CROCC: variants seen among roughly 807,000 people sequenced by gnomAD.
The protein encoded by CROCC is rootletin.
In CROCC, 180 loss-of-function variants were observed where a neutral mutation model predicts 245.2. The observed-to-expected ratio is 0.73, with a 90% CI of 0.65 to 0.83. The LOEUF (loss-of-function observed/expected upper bound fraction) is 0.83. CROCC is among the 40% of genes least tolerant of loss of function. CROCC has a pLI of 0.00. For missense variants in CROCC, 2,688 were observed against 2,779.4 expected (o/e 0.97, Z 0.74); for synonymous variants, 1,205 against 1,241.6 (o/e 0.97, Z 0.62).
chr1:16,969,090 G>C (rs750690657), intron 31 of CROCC, 26 bp from the exon 32 acceptor site: 323 of 1,574,730 alleles, frequency 2.1e-4, no homozygotes, highest in Non-Finnish European at 2.7e-4. Flanking sequence ...GAACAGCCCC[G>C]ATTGTTCTGG....
chr1:16,965,338 G>A (rs1054949044), intron 27 of CROCC, among the ~76,000 whole-genome samples: 11 of 152,198 alleles, frequency 7.2e-5, no homozygotes, highest in Middle Eastern at 3.2e-3. Flanking sequence ...GCTCCTGGTC[G>A]GGGTGGGGGT....
chr1:16,920,253 A>C (rs2075375853), upstream of CROCC, among the ~76,000 whole-genome samples: 1 of 152,130 alleles, frequency 6.6e-6, no homozygotes, highest in Non-Finnish European at 1.5e-5. Context: ...TAATTTTTGT[A>C]TTTTTAATAG....
intron 8 of CROCC, among the ~76,000 whole-genome samples, chr1:16,935,037 TTACA>T (rs2075758754): frequency 6.6e-6 from 1 of 152,180 alleles, no homozygotes; most frequent in African/African-American, 2.4e-5. Context: ...GTAGCTGGGA[TTACA>T]GGCATGAGCC....
At chr1:16,914,227 A>G (rs1338967731) in intron 1 of CROCC, among the ~76,000 whole-genome samples, 3 of 152,028 alleles carry the variant, frequency 2.0e-5, no homozygotes, top group East Asian at 1.9e-4. Context: ...GGCTGGAGCC[A>G]CGTACCGGGG....
At chr1:16,921,543 C>G (rs1425800227), upstream of CROCC, among the ~76,000 whole-genome samples, 1 of 152,280 alleles carries the variant, frequency 6.6e-6, no homozygotes, top group Non-Finnish European at 1.5e-5. Flanking sequence ...TCTTAGCTAA[C>G]CATGTGACTC....
rs111727272 is a variant in CROCC, at chr1:16,963,998, ATGTT to A, written c.4406-1724_4406-1721del. On this transcript the variant is annotated intron_variant, in intron 27 of 36. Transcript: ENST00000375541. ...TTTTAGTAGAGATGGGGGTTTCACCATGTTGGCCAGGCTGGTCTTGAACTCCTGA... is the reference window on the plus strand; with the variant it reads ...TTTTAGTAGAGATGGGGGTTTCACCAGGCCAGGCTGGTCTTGAACTCCTGA... Among the ~76,000 whole-genome samples, 476 of 151,840 alleles carry A rather than the reference ATGTT, an allele frequency of 3.1e-3. 2 individuals are homozygous for A. Among genetic ancestry groups the A allele is most frequent in the African/African-American group, 0.011 (443 of 41,428 alleles).
intron 8 of CROCC, among the ~76,000 whole-genome samples, chr1:16,934,775 A>G (rs2075750871): frequency 6.6e-6 from 1 of 151,044 alleles, no homozygotes; most frequent in Admixed American, 6.6e-5. Context: ...GGCAAGCAGC[A>G]TTATCAGCTT....
At chr1:16,927,422 G>A (rs2075559781) in intron 3 of CROCC, among the ~76,000 whole-genome samples, 1 of 152,208 alleles carries the variant, frequency 6.6e-6, no homozygotes, top group African/African-American at 2.4e-5. Flanking sequence ...CACATACCAG[G>A]GAGCCCAGGC....
In CROCC at chr1:16,946,787, G is replaced by A. The variant is rs1284703636; in HGVS notation, c.2310G>A (p.Gln770=). 3 of 1,551,914 alleles carry A rather than the reference G, an allele frequency of 1.9e-6. No individual in the cohort carries two copies. The highest frequency in any genetic ancestry group is 1.2e-5 in the South Asian group (1 of 84,102). ...AQLEEEKSAL[Q]GRQRQAEQEA... ...TGGAGGAAGAAAAGTCCGCCCTGCA[G>A]GGCCGGCAACGGCAGGCAGAGCAGG... The change falls in exon 17 of 37, where the codon CAG becomes CAA. Residue 770 remains glutamine, a synonymous_variant. Coordinates refer to ENST00000375541, the MANE Select transcript of CROCC (RefSeq NM_014675.5).
chr1:16,936,500 C>T, intron 8 of CROCC, 137 bp from the exon 9 acceptor site: 1 of 842,984 alleles, frequency 1.2e-6, no homozygotes, highest in Non-Finnish European at 1.8e-6. Context: ...AACTCCTGAC[C>T]TCACGTGATC....
At chr1:16,969,642 G>C in intron 32 of CROCC, 143 bp from the exon 33 acceptor site, 1 of 1,202,992 alleles carries the variant, frequency 8.3e-7, no homozygotes, top group South Asian at 1.5e-5. Flanking sequence ...TGGATAGGCC[G>C]TGGATGGGTT....
At position 16,958,944 on chromosome 1, in the gene CROCC, G is replaced by A. The variant is rs550106235; in HGVS notation, c.4032+194G>A. Among the ~76,000 whole-genome samples, 13 of 152,326 alleles carry A rather than the reference G, an allele frequency of 8.5e-5. No homozygotes were observed. In the South Asian group the frequency reaches 2.7e-3, roughly 32 times the overall value. ...GGCCTACTGTGTGCCGGCACAAAAT[G>A]GGTAGGGAGAGGCCCTGTAGATACA... is the stretch of plus-strand genomic sequence containing the variant. On this transcript the variant is annotated intron_variant, in intron 26 of 36. Transcript: ENST00000375541.
Position 16,948,383 on chromosome 1 carries a change from A to G in CROCC, c.2567A>G (p.Glu856Gly), listed in dbSNP as rs1435724003. 2 of 1,578,408 alleles carry G rather than the reference A, an allele frequency of 1.3e-6. No homozygotes were observed. Among genetic ancestry groups the G allele is most frequent in the East Asian group, 4.5e-5 (2 of 44,112 alleles). Reference sequence around the variant, plus strand: ...CAGGAGCTGGAGCAGGCCCGGCGGGAGGCCCAGCGGCAAGTGGAGGCGCTG... The same window carrying G: ...CAGGAGCTGGAGCAGGCCCGGCGGGGGGCCCAGCGGCAAGTGGAGGCGCTG... Reference protein sequence around the residue: ...REQELEQARREAQRQVEALER... With the variant: ...REQELEQARRGAQRQVEALER... Residue 856 changes from glutamate to glycine, a missense_variant, in exon 18 of 37, where the codon GAG becomes GGG. Glu to Gly is a moderately conservative substitution (Grantham distance 98). Coordinates refer to ENST00000375541, the MANE Select transcript of CROCC (RefSeq NM_014675.5).
At position 16,930,210 on chromosome 1, in the gene CROCC, G is replaced by C; in HGVS notation, c.621+3G>C. On this transcript the variant is annotated splice_donor_region_variant and intron_variant, in intron 5 of 36. Transcript: ENST00000375541. ...AGCTGGAGCAGCAGCGGCTGAGGGT[G>C]GGTGCCAGTGTGGGGCAGGGGCAGG... 4 of 1,588,824 alleles carry C rather than the reference G, an allele frequency of 2.5e-6. No homozygotes were observed. The highest frequency in any genetic ancestry group is 3.4e-6 in the Non-Finnish European group (4 of 1,168,322).
chr1:16,960,637 A>G (rs1258112120), intron 26 of CROCC, 121 bp from the exon 27 acceptor site: 2 of 1,238,128 alleles, frequency 1.6e-6, no homozygotes, highest in African/African-American at 1.6e-5. Context: ...GGCGAGCACT[A>G]AAGGAGAAAG....
upstream of CROCC, among the ~76,000 whole-genome samples, chr1:16,921,345 G>A (rs1202393956): frequency 3.3e-5 from 5 of 152,276 alleles, no homozygotes; most frequent in Non-Finnish European, 5.9e-5. Context: ...GTAGTTCGAG[G>A]CTCTACCACT....
chr1:16,914,127 GGCGCGC>G, intron 1 of CROCC, among the ~76,000 whole-genome samples: 1 of 151,192 alleles, frequency 6.6e-6, no homozygotes, highest in Non-Finnish European at 1.5e-5. Flanking sequence ...CTGCGGCGAA[GGCGCGC>G]GAAGGTAGGT....
chr1:16,924,927 G>T (rs1286973372), intron 3 of CROCC, among the ~76,000 whole-genome samples: 2 of 152,278 alleles, frequency 1.3e-5, no homozygotes, highest in African/African-American at 4.8e-5. Flanking sequence ...CCCATCTGGG[G>T]CAGCCACAAG....
chr1:16,966,296 T>G lies in CROCC; in HGVS notation c.4697-112T>G, dbSNP rs887499606. 1.3e-5 allele frequency: 18 copies of G among 1,432,570 alleles called. No individual in the cohort carries two copies. The African/African-American group carries it at 1.3e-4, about 10-fold the overall frequency. 88.7% of individuals were successfully genotyped at this position (1,432,570 alleles called of 1,614,324 possible). ...GTGCAGGCCCGCATACTACGAAGGGTGCAGACAGTCTGGCCCTGCACTGGG... is the reference window on the plus strand; with the variant it reads ...GTGCAGGCCCGCATACTACGAAGGGGGCAGACAGTCTGGCCCTGCACTGGG... On this transcript the variant is annotated intron_variant, in intron 29 of 36. Transcript: ENST00000375541. This position sits in a 1 kb window ranked among gnomAD's most constrained non-coding sequence, Gnocchi z 4.8.
Sources: gnomAD v4.1 joint callset for allele counts (sites outside exome capture counted in the v4.1 genomes callset) on GRCh38, gnomAD v4.1.1 for gene constraint, Gnocchi (gnomAD v3.1) non-coding constraint, MANE v1.5 for transcripts, NCBI Gene and HGNC (gene_info 2026-07-23, HGNC 2026-07-21) for gene names.